RPN1: variants seen among roughly 807,000 people sequenced by gnomAD.
The protein encoded by RPN1 is ribophorin I.
A neutral mutation model predicts 55.5 loss-of-function variants in RPN1; 12 were observed. The observed-to-expected ratio is 0.22, with a 90% CI of 0.14 to 0.35. RPN1 has a LOEUF of 0.35. Among genes scored for constraint, RPN1 ranks in the 10% least tolerant of loss-of-function variants. The probability of loss-of-function intolerance (pLI) is 1.00; values close to 1 mark genes in which losing one functional copy is unlikely to be tolerated. For missense variants in RPN1, 679 were observed against 761.3 expected (o/e 0.89, Z 1.27); for synonymous variants, 317 against 305.9 (o/e 1.04, Z -0.38).
chr3:128,650,557 C>G lies in RPN1; in HGVS notation c.244G>C (p.Ala82Pro), dbSNP rs2069810310. ...ACACTCACCTGCACGCCCAGGTGCG[C>G]CAGCCGGGCCTCGAGCTCAGGCTCC... ...ALEPELEARL[A>P]HLGVQVKGED... is the part of the protein sequence containing the mutation. Residue 82 changes from alanine to proline, a missense_variant, in exon 1 of 10, where the codon GCG (alanine) becomes CCG (proline). Around this residue, in one of 3 missense-constraint regions of RPN1, gnomAD observed 352 missense variants for 352.8 expected, o/e 1.00. Coordinates refer to ENST00000296255, the MANE Select transcript of RPN1 (RefSeq NM_002950.4). 6.5e-7 allele frequency: 1 copy of G among 1,543,024 alleles called. No individual in the cohort carries two copies. Among genetic ancestry groups the G allele is most frequent in the African/African-American group, 1.4e-5 (1 of 72,968 alleles).
intron 2 of RPN1, among the ~76,000 whole-genome samples, chr3:128,638,844 T>C (rs2069703043): frequency 2.0e-5 from 3 of 152,090 alleles, no homozygotes; most frequent in Non-Finnish European, 4.4e-5. Flanking sequence ...TGCACACCTG[T>C]AGTCCCAGCT....
intron 1 of RPN1, among the ~76,000 whole-genome samples, chr3:128,647,705 A>G (rs2069779336): frequency 6.6e-6 from 1 of 152,056 alleles, no homozygotes; most frequent in South Asian, 2.1e-4. Context: ...AAAAAAAAAA[A>G]AAAAGGAACA....
At position 128,626,027 on chromosome 3, in the gene RPN1, G is replaced by A; in HGVS notation, c.1137-15C>T. 6.3e-7 allele frequency: 1 copy of A among 1,588,794 alleles called. No individual in the cohort carries two copies. Among genetic ancestry groups the A allele is most frequent in the Non-Finnish European group, 8.6e-7 (1 of 1,168,812 alleles). ...TTTCAATGTTCCTGGAAGAAGATGGGAATAAAATATAGCCTCCAACCAACT... is the reference window on the plus strand; with the variant it reads ...TTTCAATGTTCCTGGAAGAAGATGGAAATAAAATATAGCCTCCAACCAACT... On this transcript the variant is annotated splice_polypyrimidine_tract_variant and intron_variant, in intron 6 of 9. Coordinates refer to ENST00000296255, the MANE Select transcript of RPN1 (RefSeq NM_002950.4).
intron 9 of RPN1, among the ~76,000 whole-genome samples, chr3:128,621,451 G>A (rs573734907): frequency 1.3e-5 from 2 of 152,274 alleles, no homozygotes; most frequent in Admixed American, 1.3e-4. Flanking sequence ...CAGAGATTGC[G>A]CCACTACACT....
chr3:128,624,684 C>T (rs1468304573), intron 8 of RPN1, among the ~76,000 whole-genome samples: 2 of 151,794 alleles, frequency 1.3e-5, no homozygotes, highest in Non-Finnish European at 2.9e-5. Context: ...TCCCAAGTTG[C>T]CCCACTAGAA....
At chr3:128,621,843 C>T (rs1448781475) in intron 9 of RPN1, among the ~76,000 whole-genome samples, 2 of 152,212 alleles carry the variant, frequency 1.3e-5, no homozygotes, top group East Asian at 1.9e-4. Context: ...AGTCTAGGTT[C>T]ATTTTACCAC....
At chr3:128,624,556 C>T (rs62270779) in intron 8 of RPN1, among the ~76,000 whole-genome samples, 2,233 of 152,128 alleles carry the variant, frequency 0.015, 29 homozygotes, top group Middle Eastern at 0.024. Flanking sequence ...GGATCAACAT[C>T]TTTGCTCACA....
chr3:128,622,105 C>G lies in RPN1; in HGVS notation c.1641+59G>C, dbSNP rs2069564075. ...AGAGCTGCCCAGTGTCTGCCCTAGA[C>G]AAAGCAGTGAGGCATGGAGGGCCCC... On this transcript the variant is annotated intron_variant, in intron 9 of 9. Transcript: ENST00000296255. The G allele has an allele frequency of 1.9e-6, 3 of 1,575,450 alleles. No individual in the cohort carries two copies. In the South Asian group the frequency reaches 3.4e-5, roughly 18 times the overall value.
At chr3:128,631,548 C>T (rs552365410) in intron 4 of RPN1, among the ~76,000 whole-genome samples, 18 of 151,170 alleles carry the variant, frequency 1.2e-4, no homozygotes, top group African/African-American at 4.1e-4. Context: ...TCAAGACCAG[C>T]CTGGCCAACA....
chr3:128,650,632 G>A lies in RPN1; in HGVS notation c.169C>T (p.His57Tyr). ...AKVTAEVVLA[H>Y]LGGGSTSRAT... ...CGGGACGTGGAGCCGCCGCCCAGGT[G>A]CGCCAGGACCACCTCGGCCGTCACC... is the stretch of plus-strand genomic sequence containing the variant. The change falls in exon 1 of 10, where the codon CAC becomes TAC. Residue 57 changes from histidine to tyrosine, a missense_variant. Around this residue, in one of 3 missense-constraint regions of RPN1, gnomAD observed 352 missense variants for 352.8 expected, o/e 1.00. Transcript: ENST00000296255. 1 of 1,554,908 alleles carries A rather than the reference G, an allele frequency of 6.4e-7. No individual in the cohort carries two copies. The highest frequency in any genetic ancestry group is 8.7e-7 in the Non-Finnish European group (1 of 1,149,212).
chr3:128,641,199 G>A (rs533212614), intron 2 of RPN1: 1 of 151,798 alleles, frequency 6.6e-6, no homozygotes, highest in South Asian at 2.1e-4. Context: ...GATTTACTGA[G>A]AACCCCATAT....
In RPN1 at chr3:128,626,840, A is replaced by T; in HGVS notation, c.1037-8T>A. 1 of 1,611,754 alleles carries T rather than the reference A, an allele frequency of 6.2e-7. No individual in the cohort carries two copies. The highest frequency in any genetic ancestry group is 8.5e-7 in the Non-Finnish European group (1 of 1,177,854). The stretch of plus-strand genomic sequence containing the variant: ...TCAGTGCATACTGGTCACCTGAAGG[A>T]TCAAGCAAGCATAAGCAATGATGTG... On this transcript the variant is annotated splice_polypyrimidine_tract_variant and splice_region_variant and intron_variant, in intron 5 of 9. Coordinates refer to ENST00000296255, the MANE Select transcript of RPN1 (RefSeq NM_002950.4).
At chr3:128,635,433 T>C (rs1350781528) in intron 3 of RPN1, among the ~76,000 whole-genome samples, 2 of 151,700 alleles carry the variant, frequency 1.3e-5, no homozygotes, top group Non-Finnish European at 2.9e-5. Flanking sequence ...CCCTAGTAGA[T>C]GGGACTAGAG....
chr3:128,629,419 G>C (rs2069625806), intron 5 of RPN1, among the ~76,000 whole-genome samples: 1 of 152,004 alleles, frequency 6.6e-6, no homozygotes, highest in Non-Finnish European at 1.5e-5. Flanking sequence ...AAAATTAGCT[G>C]AGCGTGGTGG....
chr3:128,625,752 A>G, intron 7 of RPN1, 99 bp from the exon 8 acceptor site: 2 of 1,580,182 alleles, frequency 1.3e-6, no homozygotes, highest in Non-Finnish European at 1.7e-6. Context: ...CCACCCCAAG[A>G]CCAGAAGACG....
chr3:128,635,551 T>G (rs1269974400), intron 3 of RPN1, among the ~76,000 whole-genome samples: 2 of 150,268 alleles, frequency 1.3e-5, no homozygotes, highest in Non-Finnish European at 3.0e-5. Flanking sequence ...TCTGCCCGCC[T>G]CAGCCTCCCA....
intron 9 of RPN1, among the ~76,000 whole-genome samples, chr3:128,621,844 A>G (rs756884880): frequency 1.3e-5 from 2 of 152,208 alleles, no homozygotes; most frequent in Non-Finnish European, 2.9e-5. Context: ...GTCTAGGTTC[A>G]TTTTACCACA....
chr3:128,626,179 G>A (rs575123153), intron 6 of RPN1, among the ~76,000 whole-genome samples, 167 bp from the exon 7 acceptor site: 28 of 152,214 alleles, frequency 1.8e-4, no homozygotes, highest in Admixed American at 1.4e-3. Flanking sequence ...CTTGAGACAG[G>A]GGAGCCAGTG....
chr3:128,638,082 A>C lies in RPN1; in HGVS notation c.350T>G (p.Leu117Arg). 6.2e-7 allele frequency: 1 copy of C among 1,613,256 alleles called. No individual in the cohort carries two copies. Among genetic ancestry groups the C allele is most frequent in the African/African-American group, 1.3e-5 (1 of 75,028 alleles). Residue 117 changes from leucine (L) to arginine (R), a missense_variant, in exon 3 of 10, where the codon CTC becomes CGC. This residue lies in a region of RPN1 where 352 missense variants were observed against 352.8 expected (regional missense o/e 1.00). Transcript: ENST00000296255. ...GKSGRFFTVK[L>R]PVALDPGAKI... Reference sequence around the variant, plus strand: ...GGCCCCAGGATCAAGAGCAACTGGGAGCTTGACTGTGAAGAATCTCCCACT... The same window carrying C: ...GGCCCCAGGATCAAGAGCAACTGGGCGCTTGACTGTGAAGAATCTCCCACT...
Sources: allele counts gnomAD v4.1 joint callset (sites outside exome capture counted in the v4.1 genomes callset), GRCh38; gene constraint gnomAD v4.1.1; regional missense constraint gnomAD v4.1.1; transcripts MANE v1.5; gene names NCBI Gene and HGNC (gene_info 2026-07-23, HGNC 2026-07-21).